DGKH: variants seen among roughly 807,000 people sequenced by gnomAD.
The protein encoded by DGKH is DAG kinase eta.
Under a neutral mutation model 159.3 loss-of-function variants are expected in DGKH, and 90 were observed. That is an observed-to-expected ratio of 0.57 (90% confidence interval 0.48 to 0.67). The LOEUF (loss-of-function observed/expected upper bound fraction) is 0.67. Among genes scored for constraint, DGKH ranks in the 30% least tolerant of loss-of-function variants. DGKH has a pLI of 0.00. For synonymous variants in DGKH, 536 were observed against 553.8 expected (o/e 0.97, Z 0.45); for missense variants, 1,181 against 1,506.1 (o/e 0.78, Z 3.57).
At chr13:42,256,365 T>A in exon 31 of DGKH, 1 of 1,586,694 alleles carries the variant, frequency 6.3e-7, no homozygotes, top group Non-Finnish European at 8.7e-7. Context: ...TCTCAAATGT[T>A]GGTGACAGCT....
rs138268123 is a variant in DGKH, at chr13:42,136,733, C to T, written c.384+7101C>T. On this transcript the variant is annotated intron_variant, in intron 3 of 29. Transcript: ENST00000337343. ...AGGTGTGTGTGAAATTTCATGGGTA[C>T]GGCACACCCACATGGGCTTACTCGG... Among the ~76,000 whole-genome samples, 78 of 152,200 alleles carry T rather than the reference C, an allele frequency of 5.1e-4. 2 individuals carry two copies. The highest frequency in any genetic ancestry group is 1.8e-3 in the African/African-American group (73 of 41,508).
intron 1 of DGKH, among the ~76,000 whole-genome samples, chr13:42,090,910 TGA>T (rs1387083282): frequency 1.3e-5 from 2 of 152,118 alleles, no homozygotes; most frequent in East Asian, 3.8e-4. Context: ...CTTCTGCCGG[TGA>T]GGAGACAGCG....
chr13:42,168,839 A>G (rs1317826248), intron 11 of DGKH, 21 bp downstream of exon 11: 7 of 1,599,082 alleles, frequency 4.4e-6, no homozygotes, highest in Non-Finnish European at 6.0e-6. Flanking sequence ...ATTCTTTTCT[A>G]CAACTAGATG....
intron 1 of DGKH, among the ~76,000 whole-genome samples, chr13:42,124,772 G>A (rs1056917620): frequency 6.6e-6 from 1 of 152,198 alleles, no homozygotes; most frequent in African/African-American, 2.4e-5. Context: ...AAAGGCGGAG[G>A]AGGGAGGCCA....
intron 25 of DGKH, 54 bp downstream of exon 25, chr13:42,214,666 T>A (rs1170853886): frequency 4.5e-6 from 7 of 1,566,592 alleles, no homozygotes; most frequent in Non-Finnish European, 6.1e-6. Flanking sequence ...GTGTTACACA[T>A]GTATTTTAAT....
intron 1 of DGKH, among the ~76,000 whole-genome samples, chr13:42,041,357 C>G (rs1464342781): frequency 1.3e-5 from 2 of 152,092 alleles, no homozygotes; most frequent in Non-Finnish European, 2.9e-5. Flanking sequence ...GGGACACGCG[C>G]CTGGAGAGGC....
At chr13:42,160,221 G>T (rs1016281968) in intron 7 of DGKH, 85 bp downstream of exon 7, 10 of 1,588,138 alleles carry the variant, frequency 6.3e-6, no homozygotes, top group Admixed American at 3.3e-5. Context: ...GCAAAGCAAA[G>T]AATTTATGAC....
At chr13:42,047,443 C>G (rs1445645804), upstream of DGKH, among the ~76,000 whole-genome samples, 1 of 152,188 alleles carries the variant, frequency 6.6e-6, no homozygotes, top group African/African-American at 2.4e-5. Flanking sequence ...AATGCTTTCT[C>G]CAGGTGGAGA....
chr13:42,056,567 TA>T (rs1881776342), intron 1 of DGKH, among the ~76,000 whole-genome samples: 1 of 152,246 alleles, frequency 6.6e-6, no homozygotes, highest in Non-Finnish European at 1.5e-5. Context: ...CTAAATTTTA[TA>T]AATGATTATA....
At chr13:42,162,464 G>T (rs1956209905) in intron 7 of DGKH, among the ~76,000 whole-genome samples, 1 of 152,122 alleles carries the variant, frequency 6.6e-6, no homozygotes, top group African/African-American at 2.4e-5. Context: ...AGTGAGCTGA[G>T]ATTGCACCAT....
chr13:42,057,354 C>T (rs1215686037), intron 1 of DGKH, among the ~76,000 whole-genome samples: 3 of 152,154 alleles, frequency 2.0e-5, no homozygotes, highest in East Asian at 1.9e-4. Context: ...TTTTCTCCAT[C>T]TCACTATTTT....
intron 1 of DGKH, among the ~76,000 whole-genome samples, chr13:42,102,854 A>G (rs189543866): frequency 6.6e-6 from 1 of 152,250 alleles, no homozygotes; most frequent in Non-Finnish European, 1.5e-5. Context: ...GAATGACTTT[A>G]GATGCCTGGA....
intron 1 of DGKH, among the ~76,000 whole-genome samples, chr13:42,089,335 G>A (rs1285367184): frequency 6.6e-6 from 1 of 151,990 alleles, no homozygotes; most frequent in African/African-American, 2.4e-5. Context: ...CCTAAGATAG[G>A]CCATATTCTA....
chr13:42,204,051 A>G (rs936212742), intron 20 of DGKH, among the ~76,000 whole-genome samples: 1 of 152,174 alleles, frequency 6.6e-6, no homozygotes, highest in Non-Finnish European at 1.5e-5. Flanking sequence ...ATATATATAT[A>G]TTCACTTCAG....
chr13:42,175,353 C>T (rs192182728), intron 12 of DGKH, among the ~76,000 whole-genome samples: 1 of 151,942 alleles, frequency 6.6e-6, no homozygotes, highest in African/African-American at 2.4e-5. Flanking sequence ...GTCCTACCAC[C>T]CAGAGATAAT....
chr13:42,127,873 C>G (rs559584581), intron 2 of DGKH, among the ~76,000 whole-genome samples: 1 of 152,036 alleles, frequency 6.6e-6, no homozygotes, highest in Non-Finnish European at 1.5e-5. Flanking sequence ...ATGTAATAAA[C>G]GCAACATTCT....
intron 1 of DGKH, among the ~76,000 whole-genome samples, chr13:42,060,152 G>A (rs1452025135): frequency 9.0e-5 from 11 of 121,974 alleles, no homozygotes; most frequent in South Asian, 3.1e-4. Context: ...GTGATCCACC[G>A]GCCTCGGCCT....
chr13:42,121,042 C>G (rs909605212), intron 1 of DGKH, among the ~76,000 whole-genome samples: 1 of 136,884 alleles, frequency 7.3e-6, no homozygotes, highest in African/African-American at 2.7e-5. Context: ...CCACATTTTT[C>G]TATGAAAGTA....
chr13:42,087,958 G>A (rs541593505), intron 1 of DGKH, among the ~76,000 whole-genome samples: 1 of 152,068 alleles, frequency 6.6e-6, no homozygotes, highest in Non-Finnish European at 1.5e-5. Flanking sequence ...AAAACAACCT[G>A]ATAGCACATC....
Sources: allele counts gnomAD v4.1 joint callset (sites outside exome capture counted in the v4.1 genomes callset), GRCh38; gene constraint gnomAD v4.1.1; transcripts MANE v1.5; gene names NCBI Gene and HGNC (gene_info 2026-07-23, HGNC 2026-07-21).